OGFRL1: variants seen among roughly 807,000 people sequenced by gnomAD.
The protein encoded by OGFRL1 is opioid growth factor receptor like 1.
A neutral mutation model predicts 32.4 loss-of-function variants in OGFRL1; 26 were observed. The ratio of observed to expected loss-of-function variants is 0.80; its 90% confidence interval spans 0.59 to 1.11. OGFRL1 has a LOEUF of 1.11. Among genes scored for constraint, OGFRL1 ranks in the 50% most tolerant of loss-of-function variants. The pLI, the probability that OGFRL1 is intolerant of heterozygous loss-of-function variation, is 0.00. For synonymous variants in OGFRL1, 211 were observed against 201.2 expected, an observed-to-expected ratio of 1.05 and a Z score of -0.41; for missense variants, 521 against 546.4, an observed-to-expected ratio of 0.95 and a Z score of 0.46.
intron 3 of OGFRL1, 41 bp downstream of exon 3, chr6:71,293,652 C>CAAGTGTATGTGATTATTTAA: frequency 7.8e-7 from 1 of 1,280,090 alleles, no homozygotes; most frequent in Non-Finnish European, 1.1e-6. Context: ...TTTAAATAAT[C>CAAGTGTATGTGATTATTTAA]ACATACACTT....
rs200574638 is a variant in OGFRL1, at chr6:71,302,007, T to C, written c.1314T>C (p.Asn438=). Residue 438 remains asparagine, a synonymous_variant, in exon 7 of 7, where the codon AAT becomes AAC. Transcript: ENST00000370435. ...EGGNDNQDNE[N]PGNTNCHDVV... Reference sequence around the variant, plus strand: ...GAAATGATAACCAAGACAATGAAAATCCTGGAAATACAAATTGCCATGATG... The same window carrying C: ...GAAATGATAACCAAGACAATGAAAACCCTGGAAATACAAATTGCCATGATG... 1.9e-6 allele frequency: 3 copies of C among 1,593,826 alleles called. No homozygotes were observed. Among genetic ancestry groups the C allele is most frequent in the East Asian group, 4.5e-5 (2 of 44,804 alleles).
intron 3 of OGFRL1, chr6:71,295,692 C>A (rs891469570): frequency 1.3e-5 from 2 of 152,212 alleles, no homozygotes; most frequent in African/African-American, 2.4e-5. Flanking sequence ...GTAATATGGG[C>A]ACAGCATGTA....
In OGFRL1 at chr6:71,301,438, CTTGGATATGAAAG is replaced by C; in HGVS notation, c.748_760del (p.Gly250LeufsTer6). ...TCGTATTCTTAAAAGCCTTGGTGAG[CTTGGATATGAAAG>C]TTTTAAATCTCCTCTTGTAAAATTT... On this transcript the variant is annotated frameshift_variant, in exon 7 of 7. Coordinates refer to ENST00000370435, the MANE Select transcript of OGFRL1 (RefSeq NM_024576.5). LOFTEE classifies it low-confidence loss of function (END_TRUNC). The C allele has an allele frequency of 6.2e-7, 1 of 1,609,712 alleles. No individual in the cohort carries two copies.
At position 71,303,339 on chromosome 6, in the gene OGFRL1, A is replaced by G. The variant is rs1033051870; in HGVS notation, c.*1290A>G. On this transcript the variant is annotated 3_prime_UTR_variant, in exon 7 of 7. Transcript: ENST00000370435. Reference sequence around the variant, plus strand: ...ACCACTATACACATTAGGATGATCTATATTGAAATCTACATGGAACAGAGT... The same window carrying G: ...ACCACTATACACATTAGGATGATCTGTATTGAAATCTACATGGAACAGAGT... 1 of 152,226 alleles carries G rather than the reference A, an allele frequency of 6.6e-6. No homozygotes were observed. The highest frequency in any genetic ancestry group is 1.5e-5 in the Non-Finnish European group (1 of 68,038). 9.4% of individuals were successfully genotyped at this position (152,226 alleles called of 1,614,324 possible).
chr6:71,308,485 G>A lies in OGFRL1; in HGVS notation c.*6436G>A, dbSNP rs1399735914. 6.6e-6 allele frequency: 1 copy of A among 152,118 alleles called. No homozygotes were observed. Among genetic ancestry groups the A allele is most frequent in the Non-Finnish European group, 1.5e-5 (1 of 68,016 alleles). 9.4% of individuals were successfully genotyped at this position (152,118 alleles called of 1,614,324 possible). A position where few individuals can be genotyped will look rare whatever the true frequency, so the allele number is the denominator to read the frequency against. On this transcript the variant is annotated 3_prime_UTR_variant, in exon 7 of 7. Coordinates refer to ENST00000370435, the MANE Select transcript of OGFRL1 (RefSeq NM_024576.5). ...TTAAATATTTCAGGAAAATGCCTAC[G>A]ATTGTTACAAAGATGTGTGTTTTAC... is the stretch of plus-strand genomic sequence containing the variant.
At chr6:71,296,228 T>C (rs1290077763) in intron 3 of OGFRL1, 89 bp from the exon 4 acceptor site, 2 of 851,106 alleles carry the variant, frequency 2.3e-6, no homozygotes, top group African/African-American at 3.4e-5. Context: ...TTTAAACAAG[T>C]TTTCATATAA....
chr6:71,294,258 T>C (rs1306692582), intron 3 of OGFRL1, among the ~76,000 whole-genome samples: 1 of 152,090 alleles, frequency 6.6e-6, no homozygotes, highest in Non-Finnish European at 1.5e-5. Context: ...GACCACAACA[T>C]TGCATATTTC....
At position 71,293,618 on chromosome 6, in the gene OGFRL1, AACGT is replaced by A. The variant is rs770668786; in HGVS notation, c.400+10_400+13del. Reference sequence around the variant, plus strand: ...ATTCCATTCAAGCCAGATGGTGAGTAACGTACTACTTGATAAATTGCACTTTAAA... The same window carrying A: ...ATTCCATTCAAGCCAGATGGTGAGTAACTACTTGATAAATTGCACTTTAAA... On this transcript the variant is annotated splice_region_variant and intron_variant, in intron 3 of 6. Transcript: ENST00000370435. The A allele has an allele frequency of 1.9e-6, 3 of 1,561,844 alleles. No homozygotes were observed. Among genetic ancestry groups the A allele is most frequent in the Non-Finnish European group, 2.6e-6 (3 of 1,134,700 alleles).
chr6:71,289,037 C>T lies in OGFRL1; in HGVS notation c.101C>T (p.Pro34Leu), dbSNP rs765254800. The change falls in exon 1 of 7, where the codon CCA becomes CTA. Residue 34 changes from proline (P) to leucine (L), a missense_variant. Pro to Leu is a moderately conservative substitution (Grantham distance 98). Coordinates refer to ENST00000370435, the MANE Select transcript of OGFRL1 (RefSeq NM_024576.5). ...GACTCGGAGCCCGAGCCCGAAGAAC[C>T]AGGGCCGGGCGGCGGCAGCGAGGGC... ...QTDSEPEPEE[P>L]GPGGGSEGPG... 2 of 1,324,506 alleles carry T rather than the reference C, an allele frequency of 1.5e-6. No individual in the cohort carries two copies. The highest frequency in any genetic ancestry group is 2.4e-5 in the Admixed American group (1 of 42,544). The allele number at this position is 1,324,506 out of a possible 1,614,324, so 82.0% of individuals were successfully genotyped here.
chr6:71,307,435 A>G lies in OGFRL1; in HGVS notation c.*5386A>G, dbSNP rs1040471995. ...TTTAGAAAACTGTGAGCAGTTGGGCATTAGTAAATTGTAGTTATATCTTAA... is the reference window on the plus strand; with the variant it reads ...TTTAGAAAACTGTGAGCAGTTGGGCGTTAGTAAATTGTAGTTATATCTTAA... On this transcript the variant is annotated 3_prime_UTR_variant, in exon 7 of 7. Transcript: ENST00000370435. The G allele has an allele frequency of 2.6e-5, 4 of 152,208 alleles. No individual in the cohort carries two copies. Among genetic ancestry groups the G allele is most frequent in the African/African-American group, 9.6e-5 (4 of 41,454 alleles). 9.4% of individuals were successfully genotyped at this position (152,208 alleles called of 1,614,324 possible). A position where few individuals can be genotyped will look rare whatever the true frequency, so the allele number is the denominator to read the frequency against.
Position 71,307,534 on chromosome 6 carries a change from T to C in OGFRL1, c.*5485T>C, listed in dbSNP as rs1766589605. 1 of 152,178 alleles carries C rather than the reference T, an allele frequency of 6.6e-6. No homozygotes were observed. Among genetic ancestry groups the C allele is most frequent in the Non-Finnish European group, 1.5e-5 (1 of 68,032 alleles). The allele number at this position is 152,178 out of a possible 1,614,324, so 9.4% of individuals were successfully genotyped here. ...TATTTAATTAAAAAATTAGGGAAGT[T>C]GTTCATTCACAGCTGTATATTAATA... On this transcript the variant is annotated 3_prime_UTR_variant, in exon 7 of 7. Coordinates refer to ENST00000370435, the MANE Select transcript of OGFRL1 (RefSeq NM_024576.5).
intron 6 of OGFRL1, among the ~76,000 whole-genome samples, chr6:71,300,284 G>C (rs1766340336): frequency 6.6e-6 from 1 of 152,170 alleles, no homozygotes; most frequent in African/African-American, 2.4e-5. Flanking sequence ...GATTCTTTTG[G>C]AATTTGACCA....
In OGFRL1 at chr6:71,305,904, GT is replaced by G. The variant is rs1222103387; in HGVS notation, c.*3857del. On this transcript the variant is annotated 3_prime_UTR_variant, in exon 7 of 7. Coordinates refer to ENST00000370435, the MANE Select transcript of OGFRL1 (RefSeq NM_024576.5). ...TTTTCAAGTTTATAATAGAGTTATG[GT>G]TGAGTAGTCATCCATACTGAGTAAT... The G allele has an allele frequency of 6.6e-6, 1 of 152,074 alleles. No individual in the cohort carries two copies. Among genetic ancestry groups the G allele is most frequent in the Non-Finnish European group, 1.5e-5 (1 of 67,974 alleles). The allele number at this position is 152,074 out of a possible 1,614,324, so 9.4% of individuals were successfully genotyped here.
rs373599406 is a variant in OGFRL1 at position 71,301,607 on chromosome 6, C to A, written c.914C>A (p.Thr305Lys). The A allele has an allele frequency of 6.8e-6, 11 of 1,614,160 alleles. No homozygotes were observed. In the Admixed American group the frequency reaches 1.2e-4, roughly 17 times the overall value. ...CTGCGGTTCGCCCAGAAACACTACACGCCTTCAGAGAACTTTATCTGGGGA... is the reference window on the plus strand; with the variant it reads ...CTGCGGTTCGCCCAGAAACACTACAAGCCTTCAGAGAACTTTATCTGGGGA... ...KLLRFAQKHYTPSENFIWGPP... is the reference protein window; with the variant it reads ...KLLRFAQKHYKPSENFIWGPP... The change falls in exon 7 of 7, where the codon ACG becomes AAG. Residue 305 changes from threonine (T) to lysine (K), a missense_variant. Coordinates refer to ENST00000370435, the MANE Select transcript of OGFRL1 (RefSeq NM_024576.5).
In OGFRL1 at chr6:71,289,056, C is replaced by A. The variant is rs755941370; in HGVS notation, c.120C>A (p.Ser40Arg). 2.3e-6 allele frequency: 3 copies of A among 1,279,790 alleles called. No individual in the cohort carries two copies. The highest frequency in any genetic ancestry group is 3.0e-6 in the Non-Finnish European group (3 of 996,748). 79.3% of individuals were successfully genotyped at this position (1,279,790 alleles called of 1,614,324 possible). ...EPEEPGPGGGSEGPGQESEQP... is the reference protein window; with the variant it reads ...EPEEPGPGGGREGPGQESEQP... ...AAGAACCAGGGCCGGGCGGCGGCAG[C>A]GAGGGCCCGGGGCAGGAGTCCGAGC... The change falls in exon 1 of 7, where the codon AGC (serine) becomes AGA (arginine). Residue 40 changes from serine to arginine, a missense_variant. Physicochemically the swap from Ser to Arg is moderately radical, Grantham distance 110 (BLOSUM62 -1). Transcript: ENST00000370435.
At chr6:71,296,896 A>T in intron 6 of OGFRL1, 79 bp downstream of exon 6, 1 of 1,497,660 alleles carries the variant, frequency 6.7e-7, no homozygotes, top group Admixed American at 2.2e-5. Flanking sequence ...AAACGCAGGA[A>T]CAACTAGCAG....
rs2149352416 is a variant in OGFRL1 at position 71,293,167 on chromosome 6, C to A, written c.235-126C>A. The A allele has an allele frequency of 6.0e-6, 4 of 663,760 alleles. No individual in the cohort carries two copies. In the East Asian group the frequency reaches 1.1e-4, roughly 18 times the overall value. 41.1% of individuals were successfully genotyped at this position (663,760 alleles called of 1,614,324 possible). ...ATTAAAGGAATATTTATAATATTTT[C>A]ATTAATCTGGACAGATTGACAATTT... is the stretch of plus-strand genomic sequence containing the variant. On this transcript the variant is annotated intron_variant, in intron 1 of 6. Coordinates refer to ENST00000370435, the MANE Select transcript of OGFRL1 (RefSeq NM_024576.5).
intron 6 of OGFRL1, among the ~76,000 whole-genome samples, chr6:71,299,859 G>C (rs1456916014): frequency 6.6e-6 from 1 of 152,168 alleles, no homozygotes; most frequent in Non-Finnish European, 1.5e-5. Context: ...GGGCTTCACA[G>C]TTGAATGTTA....
At position 71,296,520 on chromosome 6, in the gene OGFRL1, T is replaced by G; in HGVS notation, c.505T>G (p.Leu169Val). Residue 169 changes from leucine (L) to valine (V), a missense_variant, in exon 5 of 7, where the codon TTG (leucine) becomes GTG (valine). Coordinates refer to ENST00000370435, the MANE Select transcript of OGFRL1 (RefSeq NM_024576.5). The part of the protein sequence containing the change: ...QWLFPLREQG[L>V]NFYAKELTTY... ...GCTTTTCCCCCTGAGAGAACAAGGC[T>G]TGAACTTCTATGCCAAAGAACTAAC... 1.2e-6 allele frequency: 2 copies of G among 1,611,562 alleles called. No individual in the cohort carries two copies. The highest frequency in any genetic ancestry group is 1.7e-6 in the Non-Finnish European group (2 of 1,179,044).
Sources: allele counts gnomAD v4.1 joint callset (sites outside exome capture counted in the v4.1 genomes callset), GRCh38; gene constraint gnomAD v4.1.1; transcripts MANE v1.5; gene names NCBI Gene and HGNC (gene_info 2026-07-23, HGNC 2026-07-21).